Variants in PCDHA5 observed in about 807,000 individuals in gnomAD.
PCDHA5 encodes the protein protocadherin alpha-5.
In PCDHA5, 43 loss-of-function variants were observed where a neutral mutation model predicts 61.6. The observed-to-expected ratio is 0.70, with a 90% confidence interval of 0.55 to 0.90. The LOEUF (loss-of-function observed/expected upper bound fraction) is 0.90. PCDHA5 is among the 40% of genes least tolerant of loss of function. PCDHA5 has a pLI of 0.00. For missense variants in PCDHA5, 1,298 were observed against 1,222.7 expected, an observed-to-expected ratio of 1.06 and a Z score of -0.92; for synonymous variants, 627 against 543.9, an observed-to-expected ratio of 1.15 and a Z score of -2.13.
chr5:140,950,809 A>G (rs1554219635), intron 1 of PCDHA5, among the ~76,000 whole-genome samples: 1 of 152,102 alleles, frequency 6.6e-6, no homozygotes, highest in African/African-American at 2.4e-5. Context: ...GTTTTACCAT[A>G]GTAGGGTTAA....
chr5:140,851,781 A>G, intron 1 of PCDHA5: 1 of 959,776 alleles, frequency 1.0e-6, no homozygotes. Context: ...AATTTAGATG[A>G]GAATTCACTT....
chr5:140,940,774 G>T (rs1554213602), intron 1 of PCDHA5, among the ~76,000 whole-genome samples: 4 of 151,994 alleles, frequency 2.6e-5, no homozygotes, highest in African/African-American at 7.3e-5. Context: ...GACTTTTGAT[G>T]GTCCATATCC....
intron 1 of PCDHA5, chr5:140,876,038 G>C: frequency 6.2e-7 from 1 of 1,613,822 alleles, no homozygotes; most frequent in East Asian, 2.2e-5. Flanking sequence ...AAAGATAAAA[G>C]TATATTGCCT....
chr5:140,951,076 A>G (rs2094545866), intron 1 of PCDHA5, among the ~76,000 whole-genome samples: 1 of 151,566 alleles, frequency 6.6e-6, no homozygotes, highest in Non-Finnish European at 1.5e-5. Flanking sequence ...GCTTTCTTAT[A>G]TTTTCCTTTT....
At chr5:140,928,134 G>T in intron 1 of PCDHA5, 1 of 1,614,180 alleles carries the variant, frequency 6.2e-7, no homozygotes, top group Non-Finnish European at 8.5e-7. Flanking sequence ...ACCAAGTCCT[G>T]ATCACGGCCT....
chr5:140,852,888 T>C, intron 1 of PCDHA5: 1 of 920,092 alleles, frequency 1.1e-6, no homozygotes, highest in Non-Finnish European at 1.3e-6. Context: ...AAAACGTATT[T>C]TTTTTTTTGA....
intron 1 of PCDHA5, among the ~76,000 whole-genome samples, chr5:140,874,733 A>G (rs929245096): frequency 6.6e-6 from 1 of 152,244 alleles, no homozygotes; most frequent in Non-Finnish European, 1.5e-5. Context: ...TATCACATTC[A>G]AGCATCAAGG....
chr5:140,901,092 T>C (rs1374524038), intron 1 of PCDHA5, among the ~76,000 whole-genome samples: 5 of 152,228 alleles, frequency 3.3e-5, no homozygotes, highest in African/African-American at 1.2e-4. Context: ...TTGAGCTCCT[T>C]CTACATTCTG....
chr5:140,830,272 C>G, intron 1 of PCDHA5: 1 of 1,613,840 alleles, frequency 6.2e-7, no homozygotes, highest in Non-Finnish European at 8.5e-7. Context: ...CGGCGCCACC[C>G]ACCGAGGGCG....
chr5:140,915,410 A>G (rs2077112688), intron 1 of PCDHA5, among the ~76,000 whole-genome samples: 1 of 152,172 alleles, frequency 6.6e-6, no homozygotes, highest in Non-Finnish European at 1.5e-5. Flanking sequence ...TAGTCTTTGC[A>G]GTCTGGGCTT....
chr5:140,846,374 T>C (rs1024304715), intron 1 of PCDHA5, among the ~76,000 whole-genome samples: 1 of 30,854 alleles, frequency 3.2e-5, no homozygotes, highest in African/African-American at 1.1e-4. Context: ...TCTTTCTTTC[T>C]TTTTTTTTTT....
intron 3 of PCDHA5, among the ~76,000 whole-genome samples, chr5:140,999,132 T>TC (rs2153955890): frequency 6.6e-6 from 1 of 152,278 alleles, no homozygotes; most frequent in African/African-American, 2.4e-5. Context: ...CTGGAAAATG[T>TC]CACAGCCGGA....
At chr5:140,881,425 G>A (rs2058709101) in intron 1 of PCDHA5, 2 of 901,294 alleles carry the variant, frequency 2.2e-6, no homozygotes, top group Non-Finnish European at 1.3e-6. Flanking sequence ...TTAGTTCCAG[G>A]CATATTTTAT....
chr5:141,011,084 C>A lies in PCDHA5; in HGVS notation c.*1147C>A, dbSNP rs928216799. Reference sequence around the variant, plus strand: ...CATGTATTACTAAATAAAATGATCTCTCTTTCTCTCTCTCTCTCTCTTTTC... The same window carrying A: ...CATGTATTACTAAATAAAATGATCTATCTTTCTCTCTCTCTCTCTCTTTTC... On this transcript the variant is annotated 3_prime_UTR_variant, in exon 4 of 4. Transcript: ENST00000529859. 1.3e-5 allele frequency: 2 copies of A among 153,722 alleles called. No individual in the cohort carries two copies. The highest frequency in any genetic ancestry group is 2.9e-5 in the Non-Finnish European group (2 of 68,048). The allele number at this position is 153,722 out of a possible 1,614,324, so 9.5% of individuals were successfully genotyped here.
intron 1 of PCDHA5, 24 bp downstream of exon 1, chr5:140,824,151 C>T (rs1554129761): frequency 6.2e-7 from 1 of 1,611,532 alleles, no homozygotes; most frequent in Admixed American, 1.7e-5. Context: ...TATTAACATC[C>T]ATCTTTCCCT....
At chr5:140,868,397 GATATGAA>G (rs1182982921) in intron 1 of PCDHA5, 2 of 152,062 alleles carry the variant, frequency 1.3e-5, no homozygotes, top group African/African-American at 2.4e-5. Flanking sequence ...ATAGAAAATA[GATATGAA>G]AATGCAAGCC....
chr5:140,946,609 G>GAA, intron 1 of PCDHA5, among the ~76,000 whole-genome samples: 1 of 68,674 alleles, frequency 1.5e-5, no homozygotes, highest in Non-Finnish European at 2.7e-5. Flanking sequence ...AAGAAAATGT[G>GAA]AAATATATAT....
chr5:140,964,847 C>T (rs2095858231), intron 1 of PCDHA5, among the ~76,000 whole-genome samples: 1 of 152,124 alleles, frequency 6.6e-6, no homozygotes, highest in African/African-American at 2.4e-5. Flanking sequence ...ACTCTGTACC[C>T]TTGAGGAAAC....
In PCDHA5 at chr5:140,886,687, A is replaced by G. The variant is rs553566283; in HGVS notation, c.2352+62560A>G. On this transcript the variant is annotated intron_variant, in intron 1 of 3. Coordinates refer to ENST00000529859, the MANE Select transcript of PCDHA5 (RefSeq NM_018908.3). The stretch of plus-strand genomic sequence containing the variant: ...CTAAAAATACAAAAATTAGCGAGGC[A>G]TGGTGGCACGCGCCTGTAATCCCAG... Among the ~76,000 whole-genome samples, 418 of 152,114 alleles carry G rather than the reference A, an allele frequency of 2.7e-3. 2 individuals are homozygous for G. Among genetic ancestry groups the G allele is most frequent in the Middle Eastern group, 0.014 (4 of 294 alleles).
Sources: allele counts gnomAD v4.1 joint callset (sites outside exome capture counted in the v4.1 genomes callset), GRCh38; gene constraint gnomAD v4.1.1; transcripts MANE v1.5; gene names NCBI Gene and HGNC (gene_info 2026-07-23, HGNC 2026-07-21).